Variants in ZNF385D observed in about 807,000 individuals in gnomAD.
The protein encoded by ZNF385D is zinc finger protein 385D.
ZNF385D carries 15 observed loss-of-function variants against 35.8 expected under a neutral mutation model. The observed-to-expected ratio is 0.42, with a 90% CI of 0.28 to 0.64. ZNF385D has a LOEUF of 0.64. Among genes scored for constraint, ZNF385D ranks in the 30% least tolerant of loss-of-function variants. ZNF385D has a pLI of 0.23. For missense variants in ZNF385D, 474 were observed against 494.6 expected (o/e 0.96, Z 0.39); for synonymous variants, 212 against 186.8 (o/e 1.13, Z -1.10).
chr3:22,308,673 T>C (rs1703370061), intron 2 of ZNF385D, among the ~76,000 whole-genome samples: 1 of 151,972 alleles, frequency 6.6e-6, no homozygotes, highest in Non-Finnish European at 1.5e-5. Context: ...GATATCAGAA[T>C]TTACTAAAAG....
chr3:21,791,803 C>T (rs895366842), intron 3 of ZNF385D, among the ~76,000 whole-genome samples: 5 of 152,132 alleles, frequency 3.3e-5, no homozygotes, highest in African/African-American at 7.2e-5. Flanking sequence ...GGCGCGATCT[C>T]GGCTCACTGC....
chr3:21,969,473 C>T (rs976443865), intron 3 of ZNF385D, among the ~76,000 whole-genome samples: 3 of 152,206 alleles, frequency 2.0e-5, no homozygotes, highest in Admixed American at 6.5e-5. Flanking sequence ...CCATGCTGAG[C>T]TGTGAGTCAA....
At chr3:21,574,985 A>G (rs1368741926) in intron 2 of ZNF385D, among the ~76,000 whole-genome samples, 1 of 152,166 alleles carries the variant, frequency 6.6e-6, no homozygotes, top group Admixed American at 6.6e-5. Context: ...TAAATACACA[A>G]TGTTTCATTT....
intron 3 of ZNF385D, among the ~76,000 whole-genome samples, chr3:21,925,668 G>C (rs1007759019): frequency 6.6e-6 from 1 of 152,130 alleles, no homozygotes; most frequent in African/African-American, 2.4e-5. Context: ...CGAAAGGCCT[G>C]TAAAGATGTT....
At chr3:21,511,789 T>C (rs1435855452) in intron 3 of ZNF385D, 2 of 456,084 alleles carry the variant, frequency 4.4e-6, no homozygotes, top group Admixed American at 2.4e-5. Context: ...TTTAGAGTGA[T>C]ATGCATTTTC....
At chr3:21,842,307 T>C (rs1695732567) in intron 3 of ZNF385D, among the ~76,000 whole-genome samples, 8 of 151,948 alleles carry the variant, frequency 5.3e-5, no homozygotes, top group Admixed American at 5.3e-4. Context: ...ATATGTGCTA[T>C]TAGGGTTTTG....
At chr3:21,727,043 A>G (rs1264754225) in intron 1 of ZNF385D, among the ~76,000 whole-genome samples, 1 of 152,220 alleles carries the variant, frequency 6.6e-6, no homozygotes, top group Non-Finnish European at 1.5e-5. Flanking sequence ...CTGATCTTTG[A>G]CAAACTTGAC....
rs573370923 is a variant in ZNF385D at position 21,668,305 on chromosome 3, C to T, written c.23-3277G>A. 5.3e-5 allele frequency among the ~76,000 whole-genome samples: 8 copies of T among 152,284 alleles called. No individual in the cohort carries two copies. The East Asian group carries it at 1.5e-3, about 29-fold the overall frequency. On this transcript the variant is annotated intron_variant, in intron 1 of 7. Transcript: ENST00000281523. ...TGCAGGAGTTTACTGGCTTTGCCCC[C>T]TTGCCTCAAAGCAGGAAAACTCTGA... is the stretch of plus-strand genomic sequence containing the variant.
intron 3 of ZNF385D, among the ~76,000 whole-genome samples, chr3:21,958,354 C>G (rs1702397823): frequency 1.3e-5 from 2 of 152,066 alleles, no homozygotes; most frequent in African/African-American, 4.8e-5. Context: ...GCTTTCCAGT[C>G]ACAGGAATTT....
At chr3:21,860,801 A>G (rs1697006922) in intron 3 of ZNF385D, among the ~76,000 whole-genome samples, 1 of 152,154 alleles carries the variant, frequency 6.6e-6, no homozygotes, top group South Asian at 2.1e-4. Flanking sequence ...CAGGATAAGG[A>G]ATCTGAACAT....
At chr3:22,006,693 C>G (rs150664835) in intron 3 of ZNF385D, among the ~76,000 whole-genome samples, 1 of 151,792 alleles carries the variant, frequency 6.6e-6, no homozygotes, top group Non-Finnish European at 1.5e-5. Flanking sequence ...GGCAATACAG[C>G]ATATTACATT....
chr3:21,829,548 A>T (rs1694858177), intron 3 of ZNF385D, among the ~76,000 whole-genome samples: 2 of 152,050 alleles, frequency 1.3e-5, no homozygotes, highest in Non-Finnish European at 2.9e-5. Context: ...AAGAGAAAGC[A>T]AAGGAGAATT....
At chr3:21,728,076 A>T (rs1453317092) in intron 1 of ZNF385D, among the ~76,000 whole-genome samples, 2 of 152,084 alleles carry the variant, frequency 1.3e-5, no homozygotes, top group Admixed American at 1.3e-4. Flanking sequence ...CATACGTGGG[A>T]GTTGAACAAT....
At chr3:21,494,822 G>C (rs1023691700) in intron 4 of ZNF385D, among the ~76,000 whole-genome samples, 2 of 152,028 alleles carry the variant, frequency 1.3e-5, no homozygotes, top group Admixed American at 6.6e-5. Flanking sequence ...ACTCAATGTT[G>C]ATTAAATGAA....
At chr3:22,206,892 G>T (rs933319557) in intron 2 of ZNF385D, among the ~76,000 whole-genome samples, 2 of 151,732 alleles carry the variant, frequency 1.3e-5, no homozygotes, top group East Asian at 3.9e-4. Flanking sequence ...GCCAAAGTTA[G>T]TAGAACAAAG....
intron 3 of ZNF385D, among the ~76,000 whole-genome samples, chr3:21,996,797 C>T (rs942627055): frequency 2.6e-5 from 4 of 152,100 alleles, no homozygotes; most frequent in Admixed American, 2.0e-4. Context: ...GATGTCTATT[C>T]CATCAAAGGG....
At chr3:22,295,850 C>A (rs187146979) in intron 2 of ZNF385D, among the ~76,000 whole-genome samples, 1 of 152,230 alleles carries the variant, frequency 6.6e-6, no homozygotes, top group Admixed American at 6.5e-5. Context: ...CCCTGCCTCA[C>A]GGCCCCTCCC....
At chr3:21,676,341 G>A (rs1295410779) in intron 1 of ZNF385D, among the ~76,000 whole-genome samples, 3 of 152,030 alleles carry the variant, frequency 2.0e-5, no homozygotes, top group African/African-American at 7.2e-5. Flanking sequence ...GTTTAGTCTC[G>A]GCCTCAATGT....
chr3:22,038,965 G>C (rs979097923), intron 3 of ZNF385D, among the ~76,000 whole-genome samples: 1 of 150,588 alleles, frequency 6.6e-6, no homozygotes, highest in Non-Finnish European at 1.5e-5. Flanking sequence ...TCAATGAAGA[G>C]TATCTAAATT....
Sources: gnomAD v4.1 joint callset for allele counts (sites outside exome capture counted in the v4.1 genomes callset) on GRCh38, gnomAD v4.1.1 for gene constraint, MANE v1.5 for transcripts, NCBI Gene and HGNC (gene_info 2026-07-23, HGNC 2026-07-21) for gene names.